TLE2: variants seen among roughly 807,000 people sequenced by gnomAD.
TLE2 encodes TLE family member 2, transcriptional corepressor.
TLE2 carries 74 observed loss-of-function variants against 97.2 expected under a neutral mutation model. The ratio of observed to expected loss-of-function variants is 0.76; its 90% confidence interval spans 0.63 to 0.92. The LOEUF (loss-of-function observed/expected upper bound fraction) is 0.92, where lower values mean the gene tolerates loss of function less well. TLE2 is among the 40% of genes least tolerant of loss of function. The probability of loss-of-function intolerance (pLI) is 0.00; values close to 1 mark genes in which losing one functional copy is unlikely to be tolerated. For synonymous variants in TLE2, 499 were observed against 432.1 expected, an observed-to-expected ratio of 1.15 and a Z score of -1.92; for missense variants, 1,038 against 1,008.7, an observed-to-expected ratio of 1.03 and a Z score of -0.39.
chr19:3,006,814 G>A (rs779263155), intron 14 of TLE2, 145 bp from the exon 15 acceptor site: 131 of 1,239,256 alleles, frequency 1.1e-4, no homozygotes, highest in Non-Finnish European at 1.3e-4. Flanking sequence ...AGGGAGTCTC[G>A]CCGTGTCGCC....
chr19:3,005,405 T>G (rs1009653738), intron 17 of TLE2, 32 bp downstream of exon 17: 43 of 1,609,522 alleles, frequency 2.7e-5, no homozygotes, highest in Admixed American at 5.1e-5. Flanking sequence ...TCCTAGAGCT[T>G]CCATCCCCCT....
Position 3,027,843 on chromosome 19 carries a change from C to A in TLE2, c.217G>T (p.Glu73Ter). 6.2e-7 allele frequency: 1 copy of A among 1,611,698 alleles called. No homozygotes were observed. Among genetic ancestry groups the A allele is most frequent in the Non-Finnish European group, 8.5e-7 (1 of 1,179,128 alleles). ...YYEMSYGLNI[E>*]MHKQAEIVKR... ...AACCCAGTTACCTGCTTATGCATTT[C>A]AATGTTGAGCCCGTACGACATCTCA... The change falls in exon 4 of 20, where the codon GAA becomes TAA. Residue 73 changes from glutamate (E) to a stop codon, truncating the protein, a stop_gained. Transcript: ENST00000262953. LOFTEE classifies it high-confidence loss of function.
chr19:3,029,384 C>G (rs970490410), upstream of TLE2, among the ~76,000 whole-genome samples: 9 of 144,182 alleles, frequency 6.2e-5, no homozygotes, highest in Non-Finnish European at 9.2e-5. Flanking sequence ...CGCGCCCGCG[C>G]CCCCCCCGGC....
At chr19:3,038,332 C>T (rs369470203) in intron 1 of TLE2, among the ~76,000 whole-genome samples, 2 of 152,082 alleles carry the variant, frequency 1.3e-5, no homozygotes, top group African/African-American at 4.8e-5. Flanking sequence ...CCTCAGCCTC[C>T]GGAGTAGCTG....
chr19:3,041,317 G>C (rs143247548), intron 1 of TLE2, among the ~76,000 whole-genome samples: 2 of 151,818 alleles, frequency 1.3e-5, no homozygotes, highest in African/African-American at 4.8e-5. Context: ...GTGAGCCCCC[G>C]CGCCCAGCCT....
chr19:3,006,126 T>A, intron 15 of TLE2, 158 bp from the exon 16 acceptor site: 1 of 997,370 alleles, frequency 1.0e-6, no homozygotes, highest in Non-Finnish European at 1.6e-6. Context: ...CCCTTTGACC[T>A]GCAAACACTG....
rs1317222995 is a variant in TLE2 at position 3,028,738 on chromosome 19, T to C, written c.90A>G (p.Glu30=). 2 of 1,612,768 alleles carry C rather than the reference T, an allele frequency of 1.2e-6. No homozygotes were observed. Among genetic ancestry groups the C allele is most frequent in the African/African-American group, 1.3e-5 (1 of 74,888 alleles). The change falls in exon 2 of 20, where the codon GAA becomes GAG. Residue 30 remains glutamate, a synonymous_variant. Transcript: ENST00000262953. ...ATTGAGCCTGAAGAAACTGGAATTCTTCTTTGATGCGGTCGCAGATCTCCA... is the reference window on the plus strand; with the variant it reads ...ATTGAGCCTGAAGAAACTGGAATTCCTCTTTGATGCGGTCGCAGATCTCCA... ...SILEICDRIK[E]EFQFLQAQYH... is the part of the protein sequence containing the mutation.
intron 5 of TLE2, among the ~76,000 whole-genome samples, chr19:3,020,797 A>G (rs1256801299): frequency 2.6e-5 from 4 of 152,022 alleles, no homozygotes; most frequent in African/African-American, 7.2e-5. Context: ...AGAAAATGTT[A>G]TATCTGAGCC....
intron 4 of TLE2, among the ~76,000 whole-genome samples, chr19:3,026,454 TTAA>T (rs1344757238): frequency 5.7e-4 from 60 of 104,570 alleles, no homozygotes; most frequent in African/African-American, 1.9e-3. Context: ...GTCTCAAAAT[TTAA>T]AAAAAAAAAA....
Position 3,019,271 on chromosome 19 carries a change from C to A in TLE2, c.550+12G>T. 1 of 1,569,352 alleles carries A rather than the reference C, an allele frequency of 6.4e-7. No individual in the cohort carries two copies. The highest frequency in any genetic ancestry group is 8.6e-7 in the Non-Finnish European group (1 of 1,165,972). ...TCTCCCCAGCCAATGCCACCCCGTG[C>A]TGCCCACTCACCTCTGGACCCCTCG... On this transcript the variant is annotated intron_variant, in intron 7 of 19. Coordinates refer to ENST00000262953, the MANE Select transcript of TLE2 (RefSeq NM_003260.5). The surrounding 1 kb of genome is among the most constrained non-coding windows in gnomAD (Gnocchi z 5.1).
At chr19:3,047,514 C>A (rs942735727), upstream of TLE2, 3 of 151,118 alleles carry the variant, frequency 2.0e-5, no homozygotes, top group Admixed American at 6.6e-5. Context: ...TGTGACCCCC[C>A]CCCAGGCATC....
At chr19:3,039,386 C>G (rs1456701256) in intron 1 of TLE2, among the ~76,000 whole-genome samples, 1 of 152,150 alleles carries the variant, frequency 6.6e-6, no homozygotes, top group East Asian at 1.9e-4. Flanking sequence ...CCACTTCTCC[C>G]CCTCTGTTCC....
intron 5 of TLE2, chr19:3,020,048 TGAG>T: frequency 2.1e-6 from 1 of 466,466 alleles, no homozygotes; most frequent in Non-Finnish European, 3.9e-6. Context: ...TTTGGAAGGC[TGAG>T]GTGGGCAGAT....
At chr19:3,023,994 C>CTTT (rs372319602) in intron 5 of TLE2, among the ~76,000 whole-genome samples, 7 of 123,074 alleles carry the variant, frequency 5.7e-5, no homozygotes, top group African/African-American at 1.6e-4. Flanking sequence ...GAAGAGCTAA[C>CTTT]TTTTTTTTTT....
intron 5 of TLE2, 85 bp downstream of exon 5, chr19:3,024,935 C>T (rs2089914437): frequency 1.6e-6 from 2 of 1,213,832 alleles, no homozygotes; most frequent in Non-Finnish European, 1.2e-6. Flanking sequence ...AGAATCAGTG[C>T]CTGGGGCGTC....
At chr19:3,036,799 G>C (rs1026623489) in intron 1 of TLE2, among the ~76,000 whole-genome samples, 2 of 152,192 alleles carry the variant, frequency 1.3e-5, no homozygotes, top group African/African-American at 4.8e-5. Context: ...GCTGACCTTG[G>C]TGGAAACTCA....
intron 1 of TLE2, among the ~76,000 whole-genome samples, chr19:3,037,257 C>T (rs575608344): frequency 9.9e-5 from 15 of 152,238 alleles, no homozygotes; most frequent in Non-Finnish European, 1.9e-4. Flanking sequence ...TGCACTCTAG[C>T]CTGGACAACA....
At position 3,005,832 on chromosome 19, in the gene TLE2, G is replaced by T. The variant is rs1431392576; in HGVS notation, c.1637C>A (p.Ser546Ter). 1 of 1,613,980 alleles carries T rather than the reference G, an allele frequency of 6.2e-7. No individual in the cohort carries two copies. The highest frequency in any genetic ancestry group is 1.1e-5 in the South Asian group (1 of 91,076). The change falls in exon 16 of 20, where the codon TCA becomes TAA. Residue 546 changes from serine to a stop codon, truncating the protein, a stop_gained. Transcript: ENST00000262953. LOFTEE classifies it high-confidence loss of function. ...GGCCAGGGCGTAGCAGGCTGGGGCT[G>T]AGGAAGTCAGCTCGGCCTTGATACG... is the stretch of plus-strand genomic sequence containing the variant. ...TPRIKAELTS[S>*]APACYALAVS...
At chr19:3,010,256 C>G (rs1264877068) in intron 12 of TLE2, among the ~76,000 whole-genome samples, 2 of 151,684 alleles carry the variant, frequency 1.3e-5, no homozygotes, top group African/African-American at 4.8e-5. Flanking sequence ...TCCAGCTACT[C>G]AGGAGGCTGG....
Sources: gnomAD v4.1 joint callset for allele counts (sites outside exome capture counted in the v4.1 genomes callset) on GRCh38, gnomAD v4.1.1 for gene constraint, Gnocchi (gnomAD v3.1) non-coding constraint, MANE v1.5 for transcripts, NCBI Gene and HGNC (gene_info 2026-07-23, HGNC 2026-07-21) for gene names.